Variants in ENOX1 observed in about 807,000 individuals in gnomAD.
ENOX1 encodes the protein candidate growth-related and time keeping constitutive hydroquinone (NADH) oxidase.
In ENOX1, 42 loss-of-function variants were observed where a neutral mutation model predicts 82.5. The ratio of observed to expected loss-of-function variants is 0.51; its 90% CI spans 0.40 to 0.66. ENOX1 has a LOEUF of 0.66. ENOX1 is among the 30% of genes least tolerant of loss of function. The probability of loss-of-function intolerance (pLI) is 0.00; values close to 1 mark genes in which losing one functional copy is unlikely to be tolerated. For missense variants in ENOX1, 608 were observed against 811.6 expected, an observed-to-expected ratio of 0.75 and a Z score of 3.05; for synonymous variants, 271 against 282.2, an observed-to-expected ratio of 0.96 and a Z score of 0.40.
intron 16 of ENOX1, among the ~76,000 whole-genome samples, chr13:43,218,040 T>C (rs1398870714): frequency 2.0e-5 from 3 of 152,200 alleles, no homozygotes; most frequent in Non-Finnish European, 2.9e-5. Context: ...ACTTTACAGA[T>C]GGTGGAACTT....
chr13:43,537,342 A>G (rs1444273952), intron 2 of ENOX1, among the ~76,000 whole-genome samples: 1 of 152,200 alleles, frequency 6.6e-6, no homozygotes, highest in Non-Finnish European at 1.5e-5. Flanking sequence ...TTCCCAGGGT[A>G]GAAGGGGAAT....
intron 3 of ENOX1, among the ~76,000 whole-genome samples, chr13:43,440,732 T>C (rs2056314022): frequency 6.6e-6 from 1 of 152,170 alleles, no homozygotes; most frequent in Admixed American, 6.5e-5. Flanking sequence ...AAGTATCATT[T>C]TATCCAGGTA....
chr13:43,759,955 T>C (rs1238816813), intron 1 of ENOX1, among the ~76,000 whole-genome samples: 1 of 152,190 alleles, frequency 6.6e-6, no homozygotes, highest in Non-Finnish European at 1.5e-5. Flanking sequence ...TCTGCCTTCA[T>C]AAAATGTCTA....
At chr13:43,681,267 C>T (rs1175682139) in intron 1 of ENOX1, among the ~76,000 whole-genome samples, 1 of 152,138 alleles carries the variant, frequency 6.6e-6, no homozygotes, top group Non-Finnish European at 1.5e-5. Context: ...CACCACCTAA[C>T]ACAATCCTCT....
At chr13:43,603,449 C>T (rs2081826728) in intron 2 of ENOX1, among the ~76,000 whole-genome samples, 1 of 151,200 alleles carries the variant, frequency 6.6e-6, no homozygotes, top group Non-Finnish European at 1.5e-5. Context: ...AGGTTAGTTA[C>T]ATATGTATAG....
At chr13:43,647,646 C>A (rs924482286) in intron 2 of ENOX1, among the ~76,000 whole-genome samples, 31 of 152,188 alleles carry the variant, frequency 2.0e-4, no homozygotes, top group Admixed American at 1.8e-3. Flanking sequence ...TATCCCTATA[C>A]CCCCTTTGTG....
At chr13:43,444,605 A>T (rs906054318) in intron 3 of ENOX1, among the ~76,000 whole-genome samples, 2 of 152,254 alleles carry the variant, frequency 1.3e-5, no homozygotes, top group Admixed American at 6.5e-5. Context: ...CTAAACCAGA[A>T]TTTCAAATTC....
intron 2 of ENOX1, among the ~76,000 whole-genome samples, chr13:43,505,935 G>A (rs905115345): frequency 6.6e-6 from 1 of 151,998 alleles, no homozygotes; most frequent in Non-Finnish European, 1.5e-5. Flanking sequence ...TGTATAAGGT[G>A]TAAGGAAGGG....
At chr13:43,499,564 C>T (rs1209923971) in intron 2 of ENOX1, among the ~76,000 whole-genome samples, 1 of 152,102 alleles carries the variant, frequency 6.6e-6, no homozygotes, top group Non-Finnish European at 1.5e-5. Flanking sequence ...CCTGCAGACC[C>T]TGTCAAATGT....
In ENOX1 at chr13:43,399,989, GGAGT is replaced by G. The variant is rs549663818; in HGVS notation, c.208+11923_208+11926del. On this transcript the variant is annotated intron_variant, in intron 5 of 16. Transcript: ENST00000690772. ...TCATGGCTCCACTGCCACTCTTGTA[GGAGT>G]GTGTAGTCCAGCTCTGAAATTACTC... Among the ~76,000 whole-genome samples the G allele has an allele frequency of 5.7e-4, 87 of 152,062 alleles. 1 individual carries two copies. Among genetic ancestry groups the G allele is most frequent in the Non-Finnish European group, 1.1e-3 (78 of 67,980 alleles).
In ENOX1 at chr13:43,440,720, T is replaced by C. The variant is rs549714414; in HGVS notation, c.-74-27732A>G. Among the ~76,000 whole-genome samples, 16 of 152,294 alleles carry C rather than the reference T, an allele frequency of 1.1e-4. No homozygotes were observed. The South Asian group carries it at 2.3e-3, about 22-fold the overall frequency. ...AAGTGTTAATTATAATACAAATCAC[T>C]GAAGTATCATTTTATCCAGGTAAAT... is the stretch of plus-strand genomic sequence containing the variant. On this transcript the variant is annotated intron_variant, in intron 3 of 16. Coordinates refer to ENST00000690772, the MANE Select transcript of ENOX1 (RefSeq NM_001347969.2).
At chr13:43,303,885 T>G (rs2046720348) in intron 11 of ENOX1, among the ~76,000 whole-genome samples, 1 of 152,226 alleles carries the variant, frequency 6.6e-6, no homozygotes, top group African/African-American at 2.4e-5. Context: ...CTGATGCTGC[T>G]GGTGCAGAGA....
At chr13:43,725,958 C>A (rs1272600908) in intron 1 of ENOX1, among the ~76,000 whole-genome samples, 3 of 151,518 alleles carry the variant, frequency 2.0e-5, no homozygotes, top group Admixed American at 2.0e-4. Context: ...CAGAATAAGA[C>A]CCTGTCTCAA....
chr13:43,306,519 C>T (rs529782858), intron 11 of ENOX1, among the ~76,000 whole-genome samples: 17 of 152,234 alleles, frequency 1.1e-4, no homozygotes, highest in African/African-American at 4.1e-4. Flanking sequence ...GAATTGTACC[C>T]CCTCCCCTGC....
At chr13:43,465,873 A>G (rs769090474) in intron 3 of ENOX1, among the ~76,000 whole-genome samples, 1 of 152,136 alleles carries the variant, frequency 6.6e-6, no homozygotes, top group Non-Finnish European at 1.5e-5. Context: ...CCATCCATTC[A>G]TTTATTTGTT....
At chr13:43,471,146 G>C (rs937997092) in intron 3 of ENOX1, among the ~76,000 whole-genome samples, 3 of 152,122 alleles carry the variant, frequency 2.0e-5, no homozygotes, top group African/African-American at 7.2e-5. Flanking sequence ...CTCAGCAATA[G>C]AGAACTACCA....
intron 2 of ENOX1, among the ~76,000 whole-genome samples, chr13:43,571,862 G>T (rs1462017708): frequency 1.3e-5 from 2 of 151,992 alleles, no homozygotes; most frequent in Admixed American, 1.3e-4. Flanking sequence ...GTTTGCTATT[G>T]TGTGTGTGTA....
intron 1 of ENOX1, among the ~76,000 whole-genome samples, chr13:43,766,858 C>A (rs2153836635): frequency 6.6e-6 from 1 of 152,228 alleles, no homozygotes; most frequent in Non-Finnish European, 1.5e-5. Context: ...TGCAAGTTAT[C>A]ATAAGCTAGT....
chr13:43,776,909 C>G (rs1951949265), intron 1 of ENOX1, among the ~76,000 whole-genome samples: 1 of 152,086 alleles, frequency 6.6e-6, no homozygotes, highest in African/African-American at 2.4e-5. Context: ...AGCCAGCTGA[C>G]TCAGAAATCT....
Sources: gnomAD v4.1 joint callset for allele counts (sites outside exome capture counted in the v4.1 genomes callset) on GRCh38, gnomAD v4.1.1 for gene constraint, MANE v1.5 for transcripts, NCBI Gene and HGNC (gene_info 2026-07-23, HGNC 2026-07-21) for gene names.